Variants in TPRG1 observed in about 807,000 individuals in gnomAD.
TPRG1 encodes tumor protein p63-regulated gene 1 protein.
Under a neutral mutation model 29.3 loss-of-function variants are expected in TPRG1, and 29 were observed. The observed-to-expected ratio is 0.99, with a 90% confidence interval of 0.74 to 1.35. TPRG1 has a LOEUF of 1.35. TPRG1 is among the 40% of genes most tolerant of loss of function. The probability of loss-of-function intolerance (pLI) is 0.00; values close to 1 mark genes in which losing one functional copy is unlikely to be tolerated. For missense variants in TPRG1, 327 were observed against 335.0 expected (o/e 0.98, Z 0.19); for synonymous variants, 130 against 116.8 (o/e 1.11, Z -0.73).
intron 4 of TPRG1, among the ~76,000 whole-genome samples, chr3:189,084,961 A>G (rs566536142): frequency 6.6e-6 from 1 of 152,344 alleles, no homozygotes; most frequent in South Asian, 2.1e-4. Flanking sequence ...GTTAAATTAC[A>G]GTAACAGACA....
chr3:189,103,514 A>G (rs1319062269), intron 1 of TPRG1, among the ~76,000 whole-genome samples: 5 of 152,186 alleles, frequency 3.3e-5, no homozygotes, highest in African/African-American at 9.7e-5. Flanking sequence ...ACCACGGACA[A>G]TCATTCCATG....
At chr3:189,229,478 T>C (rs953919988) in intron 3 of TPRG1, among the ~76,000 whole-genome samples, 1 of 152,162 alleles carries the variant, frequency 6.6e-6, no homozygotes, top group African/African-American at 2.4e-5. Flanking sequence ...ATGAACAAAA[T>C]TCTCTATCTT....
intron 1 of TPRG1, among the ~76,000 whole-genome samples, chr3:189,101,020 C>G (rs1198588761): frequency 6.6e-6 from 1 of 152,238 alleles, no homozygotes; most frequent in Non-Finnish European, 1.5e-5. Context: ...AGGCCATGCA[C>G]TCTGCCAGGC....
intron 4 of TPRG1, among the ~76,000 whole-genome samples, chr3:189,272,328 A>C (rs1490058116): frequency 1.3e-5 from 2 of 152,148 alleles, no homozygotes. Context: ...TAATCAGCAG[A>C]ATTTTGTGCC....
At chr3:189,010,939 T>C (rs1026410533) in intron 3 of TPRG1, among the ~76,000 whole-genome samples, 1 of 152,216 alleles carries the variant, frequency 6.6e-6, no homozygotes, top group African/African-American at 2.4e-5. Flanking sequence ...ATTTTTTTGG[T>C]ATATGGTGTA....
At chr3:189,167,455 GTTCT>G (rs946243374), upstream of TPRG1, among the ~76,000 whole-genome samples, 2 of 152,162 alleles carry the variant, frequency 1.3e-5, no homozygotes, top group African/African-American at 2.4e-5. Flanking sequence ...CCTTTTCCTG[GTTCT>G]TTCTTAGTTC....
At chr3:189,012,620 G>A (rs1712663061) in intron 3 of TPRG1, among the ~76,000 whole-genome samples, 1 of 152,044 alleles carries the variant, frequency 6.6e-6, no homozygotes, top group African/African-American at 2.4e-5. Flanking sequence ...GAATCTGCCT[G>A]GTCCTGGACT....
intron 5 of TPRG1, among the ~76,000 whole-genome samples, chr3:189,164,622 AG>A (rs1408735133): frequency 8.3e-6 from 1 of 120,184 alleles, no homozygotes; most frequent in Non-Finnish European, 1.6e-5. Context: ...AAAAAATAAA[AG>A]CTTCCCTTTT....
intron 4 of TPRG1, among the ~76,000 whole-genome samples, chr3:189,033,228 A>G (rs1578216603): frequency 6.6e-6 from 1 of 151,864 alleles, no homozygotes; most frequent in African/African-American, 2.4e-5. Context: ...ATTACTACAG[A>G]AAAAAAGGAG....
intron 4 of TPRG1, among the ~76,000 whole-genome samples, chr3:189,305,333 A>G (rs1208108783): frequency 1.3e-5 from 2 of 152,242 alleles, no homozygotes. Context: ...GCTAAAAACA[A>G]CTTGGAGGAG....
rs1411251169 is a variant in TPRG1 at position 189,321,701 on chromosome 3, TACC to T, written c.*883_*885del. 6.6e-6 allele frequency: 1 copy of T among 152,158 alleles called. No homozygotes were observed. The highest frequency in any genetic ancestry group is 2.4e-5 in the African/African-American group (1 of 41,452). The allele number at this position is 152,158 out of a possible 1,614,324, so 9.4% of individuals were successfully genotyped here. A position where few individuals can be genotyped will look rare whatever the true frequency, so the allele number is the denominator to read the frequency against. On this transcript the variant is annotated 3_prime_UTR_variant, in exon 6 of 6. Coordinates refer to ENST00000345063, the MANE Select transcript of TPRG1 (RefSeq NM_198485.4). Reference sequence around the variant, plus strand: ...ACTTGGTTTCTAGCTCATTTACTTATACCATCTTTTGTTCAAATATATATTTTT... The same window carrying T: ...ACTTGGTTTCTAGCTCATTTACTTATATCTTTTGTTCAAATATATATTTTT...
intron 1 of TPRG1, among the ~76,000 whole-genome samples, chr3:189,187,151 T>A (rs1731045062): frequency 2.0e-5 from 3 of 151,922 alleles, no homozygotes; most frequent in African/African-American, 7.3e-5. Context: ...CACACTTGGC[T>A]AATTTTTTGT....
intron 4 of TPRG1, among the ~76,000 whole-genome samples, chr3:189,285,989 C>T (rs867602025): frequency 1.1e-4 from 16 of 151,946 alleles, no homozygotes; most frequent in Middle Eastern, 3.4e-3. Context: ...TCCCTGCTCT[C>T]AAAGATGGAG....
intron 5 of TPRG1, among the ~76,000 whole-genome samples, chr3:189,318,038 G>A (rs1723828613): frequency 6.6e-6 from 1 of 152,138 alleles, no homozygotes; most frequent in South Asian, 2.1e-4. Context: ...ATGCAAGGAT[G>A]ATATATACAG....
chr3:189,154,403 C>T (rs1578567627), intron 5 of TPRG1, among the ~76,000 whole-genome samples: 1 of 151,858 alleles, frequency 6.6e-6, no homozygotes, highest in Non-Finnish European at 1.5e-5. Flanking sequence ...GGATTCAACA[C>T]TGAACAAAAT....
intron 3 of TPRG1, among the ~76,000 whole-genome samples, chr3:189,139,047 A>G (rs1724162552): frequency 6.6e-6 from 1 of 152,204 alleles, no homozygotes; most frequent in Non-Finnish European, 1.5e-5. Flanking sequence ...GGAGCAAAAG[A>G]AACCCAGCCA....
chr3:189,159,869 G>A (rs1727241105), intron 5 of TPRG1, among the ~76,000 whole-genome samples: 2 of 82,104 alleles, frequency 2.4e-5, no homozygotes, highest in South Asian at 1.2e-3. Context: ...TGTGTGTGTG[G>A]TGGTGGGGGT....
chr3:189,015,342 C>T (rs1712871736), intron 3 of TPRG1, among the ~76,000 whole-genome samples: 1 of 152,034 alleles, frequency 6.6e-6, no homozygotes, highest in African/African-American at 2.4e-5. Context: ...TATGCATTCA[C>T]AAAGAGATGG....
chr3:189,240,588 A>T (rs1160325023), intron 4 of TPRG1: 1 of 152,230 alleles, frequency 6.6e-6, no homozygotes, highest in Non-Finnish European at 1.5e-5. Context: ...TTGTCCAGGG[A>T]AACTCCTGTT....
Sources: allele counts gnomAD v4.1 joint callset (sites outside exome capture counted in the v4.1 genomes callset), GRCh38; gene constraint gnomAD v4.1.1; transcripts MANE v1.5; gene names NCBI Gene and HGNC (gene_info 2026-07-23, HGNC 2026-07-21).